Variants in SOX5 observed in about 807,000 individuals in gnomAD.
SOX5 encodes transcription factor SOX-5.
SOX5 carries 9 observed loss-of-function variants against 92.0 expected under a neutral mutation model. The ratio of observed to expected loss-of-function variants is 0.10; its 90% CI spans 0.06 to 0.17. The LOEUF (loss-of-function observed/expected upper bound fraction) is 0.17, where lower values mean the gene tolerates loss of function less well. Among genes scored for constraint, SOX5 ranks in the 10% least tolerant of loss-of-function variants. SOX5 has a pLI of 1.00. For synonymous variants in SOX5, 344 were observed against 336.3 expected (o/e 1.02, Z -0.25); for missense variants, 642 against 944.5 (o/e 0.68, Z 4.20).
chr12:23,918,468 G>A (rs2097442349), intron 1 of SOX5, among the ~76,000 whole-genome samples: 1 of 152,176 alleles, frequency 6.6e-6, no homozygotes, highest in Non-Finnish European at 1.5e-5. Flanking sequence ...AACTAAAAAT[G>A]AGATCGAAAA....
intron 2 of SOX5, among the ~76,000 whole-genome samples, chr12:24,308,148 T>C (rs1948804338): frequency 6.6e-6 from 1 of 152,162 alleles, no homozygotes; most frequent in Non-Finnish European, 1.5e-5. Context: ...TATGACCTTC[T>C]AGGGACATTC....
At chr12:24,308,517 A>G (rs936932015) in intron 2 of SOX5, among the ~76,000 whole-genome samples, 9 of 152,182 alleles carry the variant, frequency 5.9e-5, no homozygotes, top group African/African-American at 1.9e-4. Flanking sequence ...CTGAGGAGGC[A>G]AGAATCGAGG....
intron 2 of SOX5, among the ~76,000 whole-genome samples, chr12:23,862,307 G>A (rs1184520014): frequency 6.6e-6 from 1 of 152,040 alleles, no homozygotes; most frequent in Non-Finnish European, 1.5e-5. Flanking sequence ...CATGTCTCTG[G>A]TACTGAAAAT....
chr12:23,824,720 G>A (rs1359055716), intron 3 of SOX5, among the ~76,000 whole-genome samples: 2 of 152,182 alleles, frequency 1.3e-5, no homozygotes, highest in Non-Finnish European at 2.9e-5. Flanking sequence ...CAGTCCCAGG[G>A]AGAGAGGAGT....
At chr12:24,066,929 G>T (rs1287309370) in intron 4 of SOX5, among the ~76,000 whole-genome samples, 1 of 152,106 alleles carries the variant, frequency 6.6e-6, no homozygotes, top group East Asian at 1.9e-4. Context: ...TCTACCAGTG[G>T]CTCAATTCTG....
chr12:23,873,371 G>C lies in SOX5; in HGVS notation c.270+22422C>G, dbSNP rs1291483355. 2.0e-5 allele frequency among the ~76,000 whole-genome samples: 3 copies of C among 152,242 alleles called. No homozygotes were observed. The East Asian group carries it at 5.8e-4, about 29-fold the overall frequency. On this transcript the variant is annotated intron_variant, in intron 2 of 14. Coordinates refer to ENST00000451604, the MANE Select transcript of SOX5 (RefSeq NM_006940.6). ...ACCTGCAGCCCCAGCTACTGGGGAGGCAGAGGTGTGAGAATCATCTGATCC... is the reference window on the plus strand; with the variant it reads ...ACCTGCAGCCCCAGCTACTGGGGAGCCAGAGGTGTGAGAATCATCTGATCC...
intron 2 of SOX5, among the ~76,000 whole-genome samples, chr12:24,303,090 T>C (rs1167227170): frequency 1.3e-5 from 2 of 152,270 alleles, no homozygotes; most frequent in East Asian, 3.9e-4. Flanking sequence ...CCATTTTTTA[T>C]ACCATTAGAG....
intron 2 of SOX5, among the ~76,000 whole-genome samples, chr12:23,872,531 A>G (rs1161277275): frequency 2.0e-5 from 3 of 151,972 alleles, no homozygotes; most frequent in Non-Finnish European, 2.9e-5. Context: ...CATTCAAAAA[A>G]TAGAAAACTA....
At chr12:23,940,829 C>G (rs965722081) in intron 1 of SOX5, among the ~76,000 whole-genome samples, 1 of 149,894 alleles carries the variant, frequency 6.7e-6, no homozygotes, top group Non-Finnish European at 1.5e-5. Context: ...GAACACTCAA[C>G]TTTCATATTA....
chr12:24,314,905 G>A (rs566119617), intron 2 of SOX5, among the ~76,000 whole-genome samples: 16 of 152,290 alleles, frequency 1.1e-4, no homozygotes, highest in African/African-American at 3.4e-4. Context: ...GCACATATTT[G>A]TTGTTGGATA....
chr12:24,541,900 T>G (rs1190121953), intron 1 of SOX5, among the ~76,000 whole-genome samples: 1 of 152,166 alleles, frequency 6.6e-6, no homozygotes, highest in Non-Finnish European at 1.5e-5. Context: ...CAAAGACCCA[T>G]TTAGTCACGT....
chr12:24,213,419 T>TAAGAAAAAAAAAAA (rs1958853682), intron 3 of SOX5: 1 of 96,864 alleles, frequency 1.0e-5, no homozygotes, highest in African/African-American at 4.0e-5. Context: ...CTTGAAATGC[T>TAAGAAAAAAAAAAA]AAAAAAAAAA....
chr12:24,079,736 A>G (rs1943095724), intron 4 of SOX5, among the ~76,000 whole-genome samples: 1 of 151,952 alleles, frequency 6.6e-6, no homozygotes, highest in Admixed American at 6.6e-5. Flanking sequence ...AAGGAGATCA[A>G]TCAGTCCTTT....
intron 4 of SOX5, among the ~76,000 whole-genome samples, chr12:24,087,577 T>A (rs546423119): frequency 1.3e-5 from 2 of 152,222 alleles, no homozygotes; most frequent in Admixed American, 1.3e-4. Context: ...AAATGGCAGA[T>A]AATATGCTTT....
intron 2 of SOX5, among the ~76,000 whole-genome samples, chr12:24,323,437 A>C (rs1432646325): frequency 6.6e-6 from 1 of 151,910 alleles, no homozygotes; most frequent in African/African-American, 2.4e-5. Flanking sequence ...ACATACACTC[A>C]AACTCTAAAA....
chr12:24,384,912 A>G (rs1246897630), intron 1 of SOX5, among the ~76,000 whole-genome samples: 1 of 152,184 alleles, frequency 6.6e-6, no homozygotes, highest in African/African-American at 2.4e-5. Flanking sequence ...CCTAAGACTA[A>G]GTCACAATAC....
chr12:24,479,538 AT>A (rs1945744440), intron 1 of SOX5, among the ~76,000 whole-genome samples: 1 of 152,248 alleles, frequency 6.6e-6, no homozygotes, highest in African/African-American at 2.4e-5. Context: ...GGTATGTGGA[AT>A]GTTTCTCCAA....
chr12:23,551,668 T>C (rs879479467), intron 11 of SOX5, among the ~76,000 whole-genome samples: 17 of 151,806 alleles, frequency 1.1e-4, no homozygotes, highest in African/African-American at 4.1e-4. Flanking sequence ...TTGAAGAAAA[T>C]TTTTCTATTC....
chr12:23,696,728 C>T (rs970959549), intron 6 of SOX5, among the ~76,000 whole-genome samples: 2 of 152,054 alleles, frequency 1.3e-5, no homozygotes. Flanking sequence ...ATACTTAATG[C>T]TATACATTCC....
Sources: allele counts gnomAD v4.1 joint callset (sites outside exome capture counted in the v4.1 genomes callset), GRCh38; gene constraint gnomAD v4.1.1; transcripts MANE v1.5; gene names NCBI Gene and HGNC (gene_info 2026-07-23, HGNC 2026-07-21).